Variants in SPMAP2L observed in about 807,000 individuals in gnomAD.
SPMAP2L encodes the protein sperm microtubule associated protein 2 like.
chr4:56,543,661 G>T, the SPMAP2L span, among the ~76,000 whole-genome samples: 1 of 152,032 alleles, frequency 6.6e-6, no homozygotes, highest in East Asian at 2.0e-4. Flanking sequence ...CTGCACTCCA[G>T]CCTGGGTGAC....
the SPMAP2L span, among the ~76,000 whole-genome samples, chr4:56,612,435 G>A: frequency 6.6e-6 from 1 of 151,876 alleles, no homozygotes; most frequent in African/African-American, 2.4e-5. Flanking sequence ...TCTGCCTCCC[G>A]AGTTCAAGCG....
the SPMAP2L span, among the ~76,000 whole-genome samples, chr4:56,572,129 G>A: frequency 2.0e-5 from 3 of 152,160 alleles, no homozygotes; most frequent in African/African-American, 7.2e-5. Flanking sequence ...TAAACCAGTA[G>A]CATAGTTGTT....
the SPMAP2L span, chr4:56,593,043 T>A: frequency 6.3e-7 from 1 of 1,593,180 alleles, no homozygotes; most frequent in Non-Finnish European, 8.6e-7. Context: ...AAAAACCAGA[T>A]CTGGAGATCC....
chr4:56,623,212 T>C, the SPMAP2L span, among the ~76,000 whole-genome samples: 4,793 of 152,246 alleles, frequency 0.031, 156 homozygotes, highest in African/African-American at 0.081. Context: ...AAGCCAGGCA[T>C]GATCCTTTCT....
the SPMAP2L span, among the ~76,000 whole-genome samples, chr4:56,616,394 G>A: frequency 6.6e-6 from 1 of 152,274 alleles, no homozygotes; most frequent in East Asian, 1.9e-4. Flanking sequence ...CTGAGGTACT[G>A]GGGGTTAAGA....
the SPMAP2L span, among the ~76,000 whole-genome samples, chr4:56,588,485 G>A: frequency 3.7e-4 from 56 of 150,870 alleles, no homozygotes; most frequent in Non-Finnish European, 6.0e-4. Context: ...AGGCTGGAGT[G>A]CAATGGTGCG....
chr4:56,623,204 G>A, the SPMAP2L span, among the ~76,000 whole-genome samples: 3 of 152,080 alleles, frequency 2.0e-5, no homozygotes, highest in Non-Finnish European at 2.9e-5. Context: ...ATGTTGCAAA[G>A]CCAGGCATGA....
At chr4:56,593,460 G>C in the SPMAP2L span, 21 of 1,586,958 alleles carry the variant, frequency 1.3e-5, no homozygotes, top group Non-Finnish European at 1.7e-5. Context: ...ACCCAGACAC[G>C]GAGGGGAAGG....
the SPMAP2L span, chr4:56,531,116 C>A: frequency 6.5e-7 from 1 of 1,535,464 alleles, no homozygotes; most frequent in Non-Finnish European, 8.7e-7. Flanking sequence ...GTAATGATCT[C>A]CCCCTCTCTG....
At chr4:56,592,582 G>A in the SPMAP2L span, among the ~76,000 whole-genome samples, 1 of 152,220 alleles carries the variant, frequency 6.6e-6, no homozygotes, top group South Asian at 2.1e-4. Flanking sequence ...CCGCCACCCG[G>A]GGGACCGAGG....
chr4:56,587,286 A>ATTGT, the SPMAP2L span, among the ~76,000 whole-genome samples: 1 of 151,844 alleles, frequency 6.6e-6, no homozygotes, highest in Non-Finnish European at 1.5e-5. Flanking sequence ...TGATTGATTG[A>ATTGT]TTGATTGATT....
chr4:56,560,814 C>T, the SPMAP2L span, among the ~76,000 whole-genome samples: 8 of 152,098 alleles, frequency 5.3e-5, no homozygotes, highest in African/African-American at 1.9e-4. Flanking sequence ...GGCCTGATCT[C>T]GGCTTACTGC....
At chr4:56,571,238 A>AT in the SPMAP2L span, among the ~76,000 whole-genome samples, 1 of 151,720 alleles carries the variant, frequency 6.6e-6, no homozygotes, top group Non-Finnish European at 1.5e-5. Flanking sequence ...CCTTATTATC[A>AT]TTTTTTAATC....
the SPMAP2L span, among the ~76,000 whole-genome samples, chr4:56,549,134 A>C: frequency 8.6e-5 from 13 of 151,712 alleles, 1 homozygote; most frequent in East Asian, 9.7e-4. Flanking sequence ...GATTACGGGC[A>C]TGTGCCACCA....
chr4:56,564,133 ATT>A, the SPMAP2L span, among the ~76,000 whole-genome samples: 58,504 of 133,742 alleles, frequency 0.44, 12,360 homozygotes, highest in Middle Eastern at 0.62. Context: ...AATCTGTGGA[ATT>A]TTTTTTTTTT....
At chr4:56,619,424 A>G in the SPMAP2L span, among the ~76,000 whole-genome samples, 1 of 152,170 alleles carries the variant, frequency 6.6e-6, no homozygotes, top group African/African-American at 2.4e-5. Context: ...GGCAACTACC[A>G]TTCCACTCTT....
the SPMAP2L span, among the ~76,000 whole-genome samples, chr4:56,600,620 A>T: frequency 4.4e-4 from 67 of 152,286 alleles, no homozygotes; most frequent in African/African-American, 1.2e-3. Flanking sequence ...TGGTAGCGAT[A>T]TGATCTGATT....
chr4:56,596,155 CT>C, the SPMAP2L span, among the ~76,000 whole-genome samples: 2 of 152,272 alleles, frequency 1.3e-5, no homozygotes, highest in African/African-American at 4.8e-5. Context: ...ACTCTTTTTC[CT>C]CTAATATGCC....
the SPMAP2L span, among the ~76,000 whole-genome samples, chr4:56,625,169 G>C: frequency 6.6e-6 from 1 of 152,182 alleles, no homozygotes; most frequent in South Asian, 2.1e-4. Context: ...CTGGGTTTCA[G>C]ACTTATATGG....
Sources: gnomAD v4.1 joint callset for allele counts (sites outside exome capture counted in the v4.1 genomes callset) on GRCh38, gnomAD v4.1.1 for gene constraint, MANE v1.5 for transcripts, NCBI Gene and HGNC (gene_info 2026-07-23, HGNC 2026-07-21) for gene names.